The following LRRC37A2 variants were observed in gnomAD, a reference collection of about 807,000 sequenced individuals.
LRRC37A2 encodes leucine rich repeat containing 37 member A2.
Under a neutral mutation model 68.8 loss-of-function variants are expected in LRRC37A2, and 9 were observed. That is an observed-to-expected ratio of 0.13 (90% confidence interval 0.08 to 0.23). LRRC37A2 has a LOEUF of 0.23. Ranked by LOEUF, LRRC37A2 falls within the 10% of genes least tolerant of loss-of-function variation. LRRC37A2 has a pLI of 1.00. For synonymous variants in LRRC37A2, 63 were observed against 367.6 expected (o/e 0.17, Z 9.48); for missense variants, 168 against 950.4 (o/e 0.18, Z 10.82).
the LRRC37A2 span, among the ~76,000 whole-genome samples, chr17:46,741,757 C>G: frequency 1.4e-5 from 1 of 70,328 alleles, no homozygotes; most frequent in South Asian, 7.1e-4. Flanking sequence ...GTTAATAGTA[C>G]TTGGTTTTTG....
the LRRC37A2 span, among the ~76,000 whole-genome samples, chr17:46,491,171 A>T: frequency 6.6e-6 from 1 of 151,206 alleles, no homozygotes. Context: ...TGTTGGGATT[A>T]TAGGCGTGAG....
intron 6 of LRRC37A2, chr17:46,528,735 A>T: frequency 1.5e-6 from 1 of 668,380 alleles, no homozygotes; most frequent in South Asian, 1.6e-5. Flanking sequence ...AAAAAAAAAA[A>T]AAAAAAGGAA....
the LRRC37A2 span, chr17:46,940,637 A>G: frequency 6.2e-7 from 1 of 1,613,972 alleles, no homozygotes; most frequent in Non-Finnish European, 8.5e-7. Context: ...GAACTCTGGG[A>G]GGCAGAAGTC....
At chr17:46,884,372 G>A in the LRRC37A2 span, among the ~76,000 whole-genome samples, 5 of 151,696 alleles carry the variant, frequency 3.3e-5, no homozygotes, top group Admixed American at 6.6e-5. Flanking sequence ...TGCCGCCCCC[G>A]CCCCACACCC....
At chr17:46,875,417 TG>T in the LRRC37A2 span, 1 of 1,514,466 alleles carries the variant, frequency 6.6e-7, no homozygotes, top group Non-Finnish European at 8.9e-7. Flanking sequence ...GGTACACAGC[TG>T]GGGAGCATGG....
At chr17:46,751,400 G>A in the LRRC37A2 span, 40 of 802,946 alleles carry the variant, frequency 5.0e-5, no homozygotes, top group Non-Finnish European at 7.7e-5. Flanking sequence ...AACTTGAACA[G>A]TTAGGTAGTT....
At chr17:46,997,276 C>T in the LRRC37A2 span, among the ~76,000 whole-genome samples, 1 of 152,070 alleles carries the variant, frequency 6.6e-6, no homozygotes, top group Non-Finnish European at 1.5e-5. Flanking sequence ...CGCTTGAACC[C>T]AGGAGGCGGA....
the LRRC37A2 span, among the ~76,000 whole-genome samples, chr17:46,892,695 C>T: frequency 1.3e-4 from 20 of 152,184 alleles, no homozygotes; most frequent in Admixed American, 6.6e-4. Context: ...CCTCCCTCCT[C>T]TCCTCTCTCC....
At chr17:46,986,975 G>T in the LRRC37A2 span, among the ~76,000 whole-genome samples, 1 of 152,164 alleles carries the variant, frequency 6.6e-6, no homozygotes, top group East Asian at 1.9e-4. Flanking sequence ...GCCAGGGGGG[G>T]TGGCTCACAC....
At chr17:46,845,297 G>T in the LRRC37A2 span, among the ~76,000 whole-genome samples, 3 of 151,944 alleles carry the variant, frequency 2.0e-5, no homozygotes, top group African/African-American at 7.2e-5. Flanking sequence ...CTGCTGCTCC[G>T]TGCCACCTGC....
chr17:47,030,680 T>C, the LRRC37A2 span, among the ~76,000 whole-genome samples: 10 of 152,140 alleles, frequency 6.6e-5, no homozygotes, highest in Admixed American at 5.9e-4. Context: ...TGGGCTCCTT[T>C]GGAGTCAAAT....
the LRRC37A2 span, among the ~76,000 whole-genome samples, chr17:46,972,569 C>T: frequency 6.6e-5 from 10 of 152,342 alleles, no homozygotes; most frequent in East Asian, 1.9e-4. Context: ...CCGTTGGTGA[C>T]GGATGTTGGC....
the LRRC37A2 span, among the ~76,000 whole-genome samples, chr17:46,456,255 T>C: frequency 4.6e-5 from 5 of 109,392 alleles, no homozygotes; most frequent in Non-Finnish European, 1.0e-4. Context: ...TGTATACACA[T>C]ATATGATATA....
the LRRC37A2 span, among the ~76,000 whole-genome samples, chr17:47,021,308 G>A: frequency 7.4e-6 from 1 of 134,866 alleles, no homozygotes; most frequent in Non-Finnish European, 1.6e-5. Flanking sequence ...TTAATTCAGG[G>A]AGACAAAATA....
chr17:46,787,479 C>A, the LRRC37A2 span, among the ~76,000 whole-genome samples: 2 of 152,186 alleles, frequency 1.3e-5, no homozygotes, highest in Admixed American at 6.5e-5. Flanking sequence ...AAGCGATGTG[C>A]CTTCCCTGCT....
At chr17:46,816,135 A>ACACACACT in the LRRC37A2 span, among the ~76,000 whole-genome samples, 417 of 53,798 alleles carry the variant, frequency 7.8e-3, 4 homozygotes, top group East Asian at 0.28. Flanking sequence ...ACACACTCAC[A>ACACACACT]CACACGCACG....
chr17:46,969,546 C>T, the LRRC37A2 span, among the ~76,000 whole-genome samples: 9 of 152,230 alleles, frequency 5.9e-5, no homozygotes, highest in African/African-American at 2.2e-4. Flanking sequence ...AACCGTGGAA[C>T]GATCAGGCTT....
chr17:46,745,549 G>A, the LRRC37A2 span, among the ~76,000 whole-genome samples: 1 of 152,304 alleles, frequency 6.6e-6, no homozygotes, highest in South Asian at 2.1e-4. Context: ...AACTGGCAGC[G>A]ATTTTAAAAG....
At chr17:46,804,281 T>C in the LRRC37A2 span, among the ~76,000 whole-genome samples, 1 of 151,968 alleles carries the variant, frequency 6.6e-6, no homozygotes, top group East Asian at 1.9e-4. Context: ...AGAGACGGGG[T>C]TTCAGCATGT....
Sources: gnomAD v4.1 joint callset for allele counts (sites outside exome capture counted in the v4.1 genomes callset) on GRCh38, gnomAD v4.1.1 for gene constraint, MANE v1.5 for transcripts, NCBI Gene and HGNC (gene_info 2026-07-23, HGNC 2026-07-21) for gene names.